Variants in CFH observed in about 807,000 individuals in gnomAD.
CFH encodes H factor 1 (complement).
A neutral mutation model predicts 147.3 loss-of-function variants in CFH; 53 were observed. The observed-to-expected ratio is 0.36, with a 90% CI of 0.29 to 0.45. The LOEUF (loss-of-function observed/expected upper bound fraction) is 0.45, where lower values mean the gene tolerates loss of function less well. CFH is among the 20% of genes least tolerant of loss of function. CFH has a pLI of 1.00. For synonymous variants in CFH, 536 were observed against 489.4 expected (o/e 1.10, Z -1.26); for missense variants, 1,380 against 1,498.0 (o/e 0.92, Z 1.30).
chr1:196,697,144 A>C (rs1401896854), intron 9 of CFH, among the ~76,000 whole-genome samples: 4 of 152,232 alleles, frequency 2.6e-5, no homozygotes, highest in African/African-American at 9.6e-5. Context: ...CACAAGCCAA[A>C]ACTGACAAAT....
At chr1:196,655,522 A>G (rs2149066005) in intron 1 of CFH, among the ~76,000 whole-genome samples, 1 of 152,354 alleles carries the variant, frequency 6.6e-6, no homozygotes, top group East Asian at 1.9e-4. Flanking sequence ...TCAAAAGCAG[A>G]TTGGTAAATG....
At chr1:196,686,655 T>C (rs1558160392) in intron 7 of CFH, among the ~76,000 whole-genome samples, 1 of 152,100 alleles carries the variant, frequency 6.6e-6, no homozygotes, top group South Asian at 2.1e-4. Context: ...GAAGCTATTA[T>C]CAGTATGAAA....
intron 11 of CFH, among the ~76,000 whole-genome samples, chr1:196,718,669 GTCT>G (rs1442777930): frequency 1.3e-5 from 2 of 152,064 alleles, no homozygotes; most frequent in East Asian, 3.9e-4. Context: ...ATTTTGAGGG[GTCT>G]TCTTCAAAAA....
chr1:196,702,954 C>T (rs910520619), intron 9 of CFH, among the ~76,000 whole-genome samples: 2 of 152,098 alleles, frequency 1.3e-5, no homozygotes, highest in Non-Finnish European at 2.9e-5. Context: ...GATATTGACC[C>T]AGAAGCCCCA....
intron 15 of CFH, among the ~76,000 whole-genome samples, chr1:196,729,166 G>T (rs749066452): frequency 6.6e-6 from 1 of 151,902 alleles, no homozygotes; most frequent in Non-Finnish European, 1.5e-5. Flanking sequence ...ACCAATGTCT[G>T]CCAGTCTAGG....
chr1:196,738,785 G>T (rs956397423), intron 17 of CFH, among the ~76,000 whole-genome samples: 40 of 152,162 alleles, frequency 2.6e-4, no homozygotes, highest in African/African-American at 9.7e-4. Flanking sequence ...TTGTGGTCCT[G>T]TTCTCACAGC....
intron 9 of CFH, among the ~76,000 whole-genome samples, chr1:196,708,659 C>G (rs1216029999): frequency 6.6e-6 from 1 of 152,068 alleles, no homozygotes; most frequent in Non-Finnish European, 1.5e-5. Flanking sequence ...TACCTGTGTG[C>G]CCCCTTGGTA....
At chr1:196,671,377 A>T (rs950515246) in intron 1 of CFH, among the ~76,000 whole-genome samples, 1 of 152,022 alleles carries the variant, frequency 6.6e-6, no homozygotes, top group Non-Finnish European at 1.5e-5. Context: ...TTTAAACAAA[A>T]ACATGTAATG....
intron 9 of CFH, among the ~76,000 whole-genome samples, chr1:196,693,074 T>C (rs1668121534): frequency 6.6e-6 from 1 of 152,012 alleles, no homozygotes; most frequent in Non-Finnish European, 1.5e-5. Flanking sequence ...CTTAGCTTCA[T>C]CTTCAGATTG....
intron 4 of CFH, 109 bp downstream of exon 4, chr1:196,676,174 T>G: frequency 1.5e-6 from 1 of 670,150 alleles, no homozygotes. Context: ...TATTTAATGT[T>G]TTTTTTTCTC....
rs55771831 is a variant in CFH, at chr1:196,743,496, G to C, written c.3178G>C (p.Val1060Leu). The C allele has an allele frequency of 3.8e-4, 616 of 1,613,906 alleles. 6 individuals are homozygous for C. The East Asian group carries it at 0.011, about 29-fold the overall frequency. Residue 1060 changes from valine (V) to leucine (L), a missense_variant, in exon 20 of 22, where the codon GTG (valine) becomes CTG (leucine). Physicochemically the swap from Val to Leu is conservative, Grantham distance 32. This residue lies in a region of CFH where 830 missense variants were observed against 821.4 expected (regional missense o/e 1.01). Coordinates refer to ENST00000367429, the MANE Select transcript of CFH (RefSeq NM_000186.4). ...NPPTVQNAYI[V>L]SRQMSKYPSG... ...GCCCACAGTACAAAATGCTTATATA[G>C]TGTCGAGACAGATGAGTAAATATCC... is the stretch of plus-strand genomic sequence containing the variant.
Position 196,747,375 on chromosome 1 carries a change from A to G in CFH, c.*62A>G. ...TAGTATTAAATCAGTTCTCAATTTC[A>G]TTTTTTATGTATTGTTTTACTCCTT... On this transcript the variant is annotated 3_prime_UTR_variant, in exon 22 of 22. Coordinates refer to ENST00000367429, the MANE Select transcript of CFH (RefSeq NM_000186.4). 6.2e-7 allele frequency: 1 copy of G among 1,603,544 alleles called. No homozygotes were observed. Among genetic ancestry groups the G allele is most frequent in the South Asian group, 1.1e-5 (1 of 90,436 alleles).
At chr1:196,690,851 T>C (rs916792569) in intron 9 of CFH, among the ~76,000 whole-genome samples, 8 of 152,186 alleles carry the variant, frequency 5.3e-5, no homozygotes, top group Admixed American at 3.9e-4. Flanking sequence ...AATGGGATCT[T>C]TGCCTGGCCA....
intron 1 of CFH, among the ~76,000 whole-genome samples, chr1:196,666,337 A>G (rs1203322606): frequency 6.6e-6 from 1 of 152,106 alleles, no homozygotes; most frequent in South Asian, 2.1e-4. Context: ...TTGATTTCCA[A>G]CAGTTTTTTA....
At chr1:196,676,854 T>C (rs564092215) in intron 4 of CFH, 1 of 152,192 alleles carries the variant, frequency 6.6e-6, no homozygotes, top group Non-Finnish European at 1.5e-5. Context: ...AAAACTAAAA[T>C]CTTTGGTTAC....
chr1:196,739,903 A>C (rs1389015689), intron 17 of CFH, among the ~76,000 whole-genome samples: 2 of 152,214 alleles, frequency 1.3e-5, no homozygotes, highest in Non-Finnish European at 2.9e-5. Context: ...AAGAGGTGTA[A>C]TTGACTCACA....
intron 2 of CFH, 104 bp from the exon 3 acceptor site, chr1:196,673,753 A>T: frequency 1.3e-6 from 1 of 784,824 alleles, no homozygotes; most frequent in Non-Finnish European, 2.3e-6. Flanking sequence ...CTTACATTCA[A>T]TCTGTCTTCT....
At chr1:196,673,254 C>T in intron 2 of CFH, 91 bp downstream of exon 2, 5 of 1,127,964 alleles carry the variant, frequency 4.4e-6, no homozygotes, top group Non-Finnish European at 6.7e-6. Context: ...TGAATTATAT[C>T]ACTATTGCCA....
chr1:196,673,113 T>G lies in CFH; in HGVS notation c.194T>G (p.Val65Gly). ...AGATCTCTTGGAAATGTAATAATGG[T>G]ATGCAGGAAGGGAGAATGGGTTGCT... ...GYRSLGNVIMVCRKGEWVALN... is the reference protein window; with the variant it reads ...GYRSLGNVIMGCRKGEWVALN... Residue 65 changes from valine to glycine, a missense_variant, in exon 2 of 22, where the codon GTA becomes GGA. This residue lies in a region of CFH where 260 missense variants were observed against 263.3 expected (regional missense o/e 0.99). Transcript: ENST00000367429. The G allele has an allele frequency of 6.2e-7, 1 of 1,613,836 alleles. No homozygotes were observed. Among genetic ancestry groups the G allele is most frequent in the Non-Finnish European group, 8.5e-7 (1 of 1,179,838 alleles).
Sources: gnomAD v4.1 joint callset for allele counts (sites outside exome capture counted in the v4.1 genomes callset) on GRCh38, gnomAD v4.1.1 for gene constraint, gnomAD v4.1.1 regional missense constraint, MANE v1.5 for transcripts, NCBI Gene and HGNC (gene_info 2026-07-23, HGNC 2026-07-21) for gene names.